ZHX2: variants seen among roughly 807,000 people sequenced by gnomAD.
ZHX2 encodes the protein zinc fingers and homeoboxes 2, also known as zinc fingers and homeoboxes protein 2.
ZHX2 carries 6 observed loss-of-function variants against 21.9 expected under a neutral mutation model. The observed-to-expected ratio is 0.27, with a 90% CI of 0.15 to 0.54. The LOEUF (loss-of-function observed/expected upper bound fraction) is 0.54, where lower values mean the gene tolerates loss of function less well. ZHX2 is among the 20% of genes least tolerant of loss of function. ZHX2 has a pLI of 0.95. For synonymous variants in ZHX2, 434 were observed against 437.1 expected (o/e 0.99, Z 0.09); for missense variants, 908 against 1,090.7 (o/e 0.83, Z 2.36).
intron 2 of ZHX2, among the ~76,000 whole-genome samples, chr8:122,866,479 C>T (rs760039130): frequency 6.6e-6 from 1 of 152,158 alleles, no homozygotes; most frequent in Non-Finnish European, 1.5e-5. Flanking sequence ...CCCATCTCAC[C>T]CAGACCTTAG....
intron 1 of ZHX2, among the ~76,000 whole-genome samples, chr8:122,789,754 A>T (rs1284181192): frequency 6.6e-6 from 1 of 152,222 alleles, no homozygotes; most frequent in Non-Finnish European, 1.5e-5. Flanking sequence ...GCAGGAGAGG[A>T]TTGAAGCGCC....
intron 2 of ZHX2, among the ~76,000 whole-genome samples, chr8:122,910,686 G>C (rs1189541883): frequency 6.6e-6 from 1 of 151,926 alleles, no homozygotes; most frequent in Non-Finnish European, 1.5e-5. Context: ...CCTCACCCTG[G>C]AGGCTTGCCC....
intron 2 of ZHX2, among the ~76,000 whole-genome samples, chr8:122,868,091 C>T (rs562795398): frequency 2.6e-5 from 4 of 152,250 alleles, no homozygotes; most frequent in East Asian, 1.9e-4. Context: ...AGCCTTTTAG[C>T]GGGTTTCTCT....
chr8:122,971,797 C>T (rs548824913), intron 3 of ZHX2, among the ~76,000 whole-genome samples: 1 of 152,132 alleles, frequency 6.6e-6, no homozygotes, highest in East Asian at 1.9e-4. Context: ...TTCCCAGGAT[C>T]TCTAGATCTT....
intron 1 of ZHX2, among the ~76,000 whole-genome samples, chr8:122,790,163 A>G (rs1218201105): frequency 1.3e-5 from 2 of 152,236 alleles, no homozygotes; most frequent in Non-Finnish European, 2.9e-5. Flanking sequence ...TGAGTCTAGT[A>G]GCAACATGGT....
intron 2 of ZHX2, among the ~76,000 whole-genome samples, chr8:122,933,457 A>G (rs2130158437): frequency 1.3e-5 from 2 of 152,160 alleles, no homozygotes; most frequent in South Asian, 4.2e-4. Context: ...GCTTTCAGAA[A>G]CACATCACTC....
At chr8:122,946,297 C>G (rs1297342484) in intron 2 of ZHX2, among the ~76,000 whole-genome samples, 1 of 152,010 alleles carries the variant, frequency 6.6e-6, no homozygotes, top group Non-Finnish European at 1.5e-5. Context: ...CTTTAGACAC[C>G]CAATCCCTGG....
intron 1 of ZHX2, among the ~76,000 whole-genome samples, chr8:122,818,004 C>T (rs996179708): frequency 2.0e-5 from 3 of 152,192 alleles, no homozygotes; most frequent in African/African-American, 7.2e-5. Context: ...AAGCTCAGGG[C>T]ACTTGTTATC....
At chr8:122,933,192 C>T (rs1812580584) in intron 2 of ZHX2, among the ~76,000 whole-genome samples, 2 of 152,102 alleles carry the variant, frequency 1.3e-5, no homozygotes, top group South Asian at 2.1e-4. Context: ...TCTCATTCCT[C>T]TCCCAGCTCC....
intron 1 of ZHX2, chr8:122,812,065 T>A (rs1175371127): frequency 6.6e-6 from 1 of 152,208 alleles, no homozygotes; most frequent in East Asian, 1.9e-4. Context: ...GTCATTGTTA[T>A]AGAAAAACAA....
intron 1 of ZHX2, among the ~76,000 whole-genome samples, chr8:122,811,776 ATG>A (rs1464573050): frequency 6.6e-6 from 1 of 152,212 alleles, no homozygotes; most frequent in African/African-American, 2.4e-5. Context: ...TGGAAGGAAA[ATG>A]TGTGAGAGGT....
chr8:122,933,151 C>T (rs769935294), intron 2 of ZHX2, among the ~76,000 whole-genome samples: 2 of 152,146 alleles, frequency 1.3e-5, no homozygotes, highest in African/African-American at 2.4e-5. Flanking sequence ...AGCCCTGTCT[C>T]GCCCTGATCT....
chr8:122,905,403 A>G (rs1286531615), intron 2 of ZHX2, among the ~76,000 whole-genome samples: 1 of 152,226 alleles, frequency 6.6e-6, no homozygotes, highest in Non-Finnish European at 1.5e-5. Context: ...CTGTCAACCC[A>G]GAATCCTATA....
intron 1 of ZHX2, among the ~76,000 whole-genome samples, chr8:122,805,418 A>AC (rs891911597): frequency 2.6e-5 from 4 of 151,878 alleles, no homozygotes; most frequent in East Asian, 1.9e-4. Flanking sequence ...AATCTGAGTG[A>AC]CCCCCCACCC....
intron 2 of ZHX2, among the ~76,000 whole-genome samples, chr8:122,876,946 C>T (rs956065636): frequency 8.5e-5 from 13 of 152,128 alleles, no homozygotes; most frequent in Non-Finnish European, 1.5e-4. Context: ...AGAGAAAAGA[C>T]GAAGGACATA....
At chr8:122,878,413 A>C (rs1277507778) in intron 2 of ZHX2, among the ~76,000 whole-genome samples, 2 of 152,152 alleles carry the variant, frequency 1.3e-5, no homozygotes, top group Non-Finnish European at 2.9e-5. Flanking sequence ...TCTCAGCTGG[A>C]GTCAGCCATA....
chr8:122,917,366 C>A (rs1820631385), intron 2 of ZHX2, among the ~76,000 whole-genome samples: 1 of 152,052 alleles, frequency 6.6e-6, no homozygotes, highest in South Asian at 2.1e-4. Context: ...CTGCCAGAAC[C>A]CCTGACCCAC....
At chr8:122,860,753 G>A (rs1819145577) in intron 1 of ZHX2, among the ~76,000 whole-genome samples, 1 of 152,016 alleles carries the variant, frequency 6.6e-6, no homozygotes, top group Non-Finnish European at 1.5e-5. Context: ...ATATCAGAGA[G>A]GGTCGGGCGT....
intron 1 of ZHX2, among the ~76,000 whole-genome samples, chr8:122,853,483 C>T (rs1020024456): frequency 3.3e-5 from 5 of 152,112 alleles, no homozygotes; most frequent in Non-Finnish European, 5.9e-5. Context: ...CTGGAACTCC[C>T]GGTCATGTAA....
Sources: allele counts gnomAD v4.1 joint callset (sites outside exome capture counted in the v4.1 genomes callset), GRCh38; gene constraint gnomAD v4.1.1; transcripts MANE v1.5; gene names NCBI Gene and HGNC (gene_info 2026-07-23, HGNC 2026-07-21).